Variants in FAM171A1 observed in about 807,000 individuals in gnomAD.
The protein encoded by FAM171A1 is family with sequence similarity 171 member A1, also known as protein FAM171A1.
FAM171A1 carries 23 observed loss-of-function variants against 74.9 expected under a neutral mutation model. That is an observed-to-expected ratio of 0.31 (90% CI 0.22 to 0.44). The LOEUF (loss-of-function observed/expected upper bound fraction) is 0.44. Among genes scored for constraint, FAM171A1 ranks in the 20% least tolerant of loss-of-function variants. The pLI is 1.00. For synonymous variants in FAM171A1, 527 were observed against 505.7 expected, an observed-to-expected ratio of 1.04 and a Z score of -0.57; for missense variants, 1,162 against 1,159.2, an observed-to-expected ratio of 1.00 and a Z score of -0.03.
At chr10:15,214,700 G>T (rs1833945744) in intron 7 of FAM171A1, 99 bp from the exon 8 acceptor site, 1 of 1,446,964 alleles carries the variant, frequency 6.9e-7, no homozygotes, top group South Asian at 1.5e-5. Context: ...TTTCCATGGG[G>T]AGAGACAAAA....
intron 5 of FAM171A1, 76 bp from the exon 6 acceptor site, chr10:15,221,136 CATCTTAAAT>C (rs1834034555): frequency 8.1e-7 from 1 of 1,238,528 alleles, no homozygotes. Context: ...TTGTAAAAGT[CATCTTAAAT>C]ATCTTAAATG....
At chr10:15,355,319 C>T (rs895431285) in intron 1 of FAM171A1, among the ~76,000 whole-genome samples, 1 of 152,168 alleles carries the variant, frequency 6.6e-6, no homozygotes, top group African/African-American at 2.4e-5. Context: ...AAGTGATTCG[C>T]CCACTTCAGC....
chr10:15,251,421 T>TTA (rs1554833755), intron 4 of FAM171A1, among the ~76,000 whole-genome samples: 2 of 150,310 alleles, frequency 1.3e-5, no homozygotes, highest in Non-Finnish European at 3.0e-5. Context: ...TTTTTTTTTT[T>TTA]AGACAGAGTC....
At chr10:15,279,867 G>A (rs966876735) in intron 2 of FAM171A1, among the ~76,000 whole-genome samples, 1 of 152,052 alleles carries the variant, frequency 6.6e-6, no homozygotes, top group African/African-American at 2.4e-5. Flanking sequence ...GCAGTGAACC[G>A]AGATTGCACC....
chr10:15,296,978 G>C (rs755550750), intron 1 of FAM171A1, among the ~76,000 whole-genome samples: 4 of 152,180 alleles, frequency 2.6e-5, no homozygotes, highest in Non-Finnish European at 5.9e-5. Context: ...AATAGGATGA[G>C]AAGAGACCAC....
At chr10:15,293,313 T>C (rs974424980) in intron 1 of FAM171A1, among the ~76,000 whole-genome samples, 3 of 152,162 alleles carry the variant, frequency 2.0e-5, no homozygotes, top group Admixed American at 6.5e-5. Flanking sequence ...ATAGATAATA[T>C]AGAGATCTAT....
intron 1 of FAM171A1, among the ~76,000 whole-genome samples, chr10:15,285,916 T>A (rs896553406): frequency 2.0e-5 from 3 of 152,218 alleles, no homozygotes; most frequent in African/African-American, 7.2e-5. Context: ...TATTGCCCAG[T>A]GGCACACACC....
intron 1 of FAM171A1, among the ~76,000 whole-genome samples, chr10:15,323,424 G>T (rs1835511139): frequency 6.6e-6 from 1 of 152,192 alleles, no homozygotes; most frequent in African/African-American, 2.4e-5. Context: ...TTGCACTCCA[G>T]CCTGGGCGAC....
chr10:15,313,046 C>A (rs1377749076), intron 1 of FAM171A1, among the ~76,000 whole-genome samples: 1 of 152,126 alleles, frequency 6.6e-6, no homozygotes, highest in Non-Finnish European at 1.5e-5. Flanking sequence ...ATGAAGCAAG[C>A]AGACCCCTGA....
At chr10:15,250,511 T>G (rs1834494024) in intron 4 of FAM171A1, among the ~76,000 whole-genome samples, 2 of 152,340 alleles carry the variant, frequency 1.3e-5, no homozygotes, top group South Asian at 4.1e-4. Context: ...CCTGTAATAC[T>G]GGCACTTTGG....
intron 1 of FAM171A1, among the ~76,000 whole-genome samples, chr10:15,316,442 A>G (rs10906884): frequency 0.56 from 85,006 of 152,056 alleles, 24,990 homozygotes; most frequent in East Asian, 0.86. Context: ...GGGCTTCGTG[A>G]GACCCTGCTT....
chr10:15,299,579 T>C (rs1002832015), intron 1 of FAM171A1, among the ~76,000 whole-genome samples: 24 of 152,138 alleles, frequency 1.6e-4, no homozygotes, highest in South Asian at 2.1e-4. Flanking sequence ...ATGACGATGA[T>C]GATGATGACT....
chr10:15,218,892 G>C (rs1486408695), intron 6 of FAM171A1, among the ~76,000 whole-genome samples: 1 of 152,026 alleles, frequency 6.6e-6, no homozygotes, highest in Admixed American at 6.6e-5. Context: ...ACCATGCCCT[G>C]GCCTGTGTAT....
intron 1 of FAM171A1, among the ~76,000 whole-genome samples, chr10:15,361,876 C>T (rs1488817994): frequency 2.0e-5 from 3 of 152,192 alleles, no homozygotes; most frequent in African/African-American, 7.2e-5. Flanking sequence ...AAATGTTCAT[C>T]TGACTTGGAA....
At chr10:15,329,389 T>C (rs568504736) in intron 1 of FAM171A1, among the ~76,000 whole-genome samples, 46 of 152,218 alleles carry the variant, frequency 3.0e-4, no homozygotes, top group African/African-American at 9.4e-4. Context: ...TGGCGCACAA[T>C]TGTAATCCCA....
chr10:15,312,254 T>C (rs1835367631), intron 1 of FAM171A1, among the ~76,000 whole-genome samples: 1 of 152,168 alleles, frequency 6.6e-6, no homozygotes, highest in Admixed American at 6.5e-5. Flanking sequence ...AAAATATGCT[T>C]CATAAACAAA....
intron 1 of FAM171A1, among the ~76,000 whole-genome samples, chr10:15,355,535 T>A (rs1046799952): frequency 6.6e-6 from 1 of 152,072 alleles, no homozygotes; most frequent in Admixed American, 6.5e-5. Context: ...CTGGCCAACT[T>A]GGTGAAACCC....
At chr10:15,332,915 G>GT (rs60556043) in intron 1 of FAM171A1, among the ~76,000 whole-genome samples, 65,721 of 151,872 alleles carry the variant, frequency 0.43, 14,732 homozygotes, top group East Asian at 0.8. Flanking sequence ...ATTAAAGGGT[G>GT]TTCAAGCAAA....
At chr10:15,270,060 C>A (rs1834802494) in intron 3 of FAM171A1, among the ~76,000 whole-genome samples, 1 of 152,062 alleles carries the variant, frequency 6.6e-6, no homozygotes, top group Non-Finnish European at 1.5e-5. Context: ...GTAGGTGCAG[C>A]CCACGGAGCA....
Sources: allele counts gnomAD v4.1 joint callset (sites outside exome capture counted in the v4.1 genomes callset), GRCh38; gene constraint gnomAD v4.1.1; transcripts MANE v1.5; gene names NCBI Gene and HGNC (gene_info 2026-07-23, HGNC 2026-07-21).